Variants in SP140 observed in about 807,000 individuals in gnomAD.
SP140 encodes the protein SP140 nuclear body protein.
Under a neutral mutation model 125.0 loss-of-function variants are expected in SP140, and 81 were observed. That is an observed-to-expected ratio of 0.65 (90% CI 0.54 to 0.78). SP140 has a LOEUF of 0.78. Among genes scored for constraint, SP140 ranks in the 30% least tolerant of loss-of-function variants. SP140 has a pLI of 0.00. For missense variants in SP140, 858 were observed against 1,037.0 expected (o/e 0.83, Z 2.37); for synonymous variants, 312 against 354.0 (o/e 0.88, Z 1.33).
intron 14 of SP140, 100 bp downstream of exon 14, chr2:230,270,053 T>C: frequency 1.3e-6 from 1 of 762,690 alleles, no homozygotes; most frequent in Non-Finnish European, 2.3e-6. Flanking sequence ...AGAATTCTAT[T>C]CTCCGCATTT....
intron 15 of SP140, among the ~76,000 whole-genome samples, chr2:230,276,290 G>A (rs1457902984): frequency 6.6e-6 from 1 of 152,126 alleles, no homozygotes; most frequent in African/African-American, 2.4e-5. Context: ...AAGGCAGCAG[G>A]TGACTTTCCC....
At chr2:230,239,646 G>A (rs1290133240) in intron 3 of SP140, among the ~76,000 whole-genome samples, 6 of 152,026 alleles carry the variant, frequency 3.9e-5, no homozygotes, top group Admixed American at 2.0e-4. Context: ...ACAGGGTTTC[G>A]CCATGTTGGC....
chr2:230,275,340 G>A (rs958304863), intron 15 of SP140, among the ~76,000 whole-genome samples: 2 of 151,784 alleles, frequency 1.3e-5, no homozygotes, highest in Non-Finnish European at 1.5e-5. Flanking sequence ...TTTTCCAACA[G>A]CATGTGCTCA....
intron 21 of SP140, among the ~76,000 whole-genome samples, chr2:230,295,935 A>T (rs1464041619): frequency 6.6e-6 from 1 of 152,234 alleles, no homozygotes; most frequent in East Asian, 1.9e-4. Flanking sequence ...ATTACAGAAG[A>T]TTGACCTCAA....
intron 3 of SP140, chr2:230,220,095 A>G (rs557380655): frequency 8.1e-6 from 8 of 985,252 alleles, no homozygotes; most frequent in African/African-American, 7.0e-5. Flanking sequence ...GCCTCTCTCC[A>G]CCTCCTCATG....
At chr2:230,286,563 A>G (rs555568850) in intron 17 of SP140, among the ~76,000 whole-genome samples, 6 of 152,292 alleles carry the variant, frequency 3.9e-5, no homozygotes, top group South Asian at 4.1e-4. Context: ...TCTTTCTTCC[A>G]TGAGATGCTT....
chr2:230,224,076 T>C (rs139202122), upstream of SP140, among the ~76,000 whole-genome samples: 8 of 152,224 alleles, frequency 5.3e-5, no homozygotes, highest in Non-Finnish European at 1.0e-4. Context: ...TAGTGGGAAA[T>C]AGAACTGAAA....
the SP140 span, among the ~76,000 whole-genome samples, chr2:230,187,319 T>G: frequency 6.6e-6 from 1 of 152,186 alleles, no homozygotes; most frequent in African/African-American, 2.4e-5. Context: ...ATATGTCTAT[T>G]AATGTCATTT....
At chr2:230,286,876 C>T (rs1428730024) in intron 17 of SP140, among the ~76,000 whole-genome samples, 1 of 152,098 alleles carries the variant, frequency 6.6e-6, no homozygotes, top group East Asian at 1.9e-4. Flanking sequence ...CTAATATGCT[C>T]ATGATATGCT....
At chr2:230,239,637 C>T (rs1209411170) in intron 3 of SP140, among the ~76,000 whole-genome samples, 2 of 152,116 alleles carry the variant, frequency 1.3e-5, no homozygotes, top group African/African-American at 4.8e-5. Context: ...TTAGTAGAGA[C>T]AGGGTTTCGC....
chr2:230,291,511 A>G (rs1203158382), intron 19 of SP140, among the ~76,000 whole-genome samples: 1 of 152,196 alleles, frequency 6.6e-6, no homozygotes, highest in African/African-American at 2.4e-5. Flanking sequence ...TAGAAGTGGA[A>G]TCCTATAATA....
intron 15 of SP140, among the ~76,000 whole-genome samples, chr2:230,278,967 G>T (rs1047896094): frequency 2.0e-5 from 3 of 151,986 alleles, no homozygotes; most frequent in African/African-American, 7.2e-5. Flanking sequence ...AAAACTGTTG[G>T]AACTAACAAA....
chr2:230,221,600 G>T, upstream of SP140: 19 of 1,075,090 alleles, frequency 1.8e-5, no homozygotes, highest in Non-Finnish European at 2.6e-5. Context: ...TGAGGAGAGG[G>T]TGCATTGATG....
intron 16 of SP140, among the ~76,000 whole-genome samples, chr2:230,285,532 A>G (rs1035516280): frequency 1.3e-5 from 2 of 152,198 alleles, no homozygotes; most frequent in African/African-American, 4.8e-5. Context: ...ATTCTCATTT[A>G]AGTCTGTGTG....
intron 3 of SP140, chr2:230,214,875 C>T: frequency 7.9e-7 from 1 of 1,271,412 alleles, no homozygotes; most frequent in Admixed American, 1.7e-5. Flanking sequence ...GCATATTCCA[C>T]AGGGCTAGAA....
chr2:230,288,590 T>G (rs1251167833), intron 18 of SP140, among the ~76,000 whole-genome samples: 2 of 151,792 alleles, frequency 1.3e-5, no homozygotes, highest in Non-Finnish European at 2.9e-5. Context: ...TCATCTACAT[T>G]AGGTATTTCT....
chr2:230,208,249 G>A (rs1230528628), intron 1 of SP140, among the ~76,000 whole-genome samples: 2 of 152,184 alleles, frequency 1.3e-5, no homozygotes, highest in South Asian at 2.1e-4. Context: ...AAGGAGAAAC[G>A]AAGAAATAGA....
intron 3 of SP140, 51 bp from the exon 4 acceptor site, chr2:230,241,353 T>C (rs1345043267): frequency 8.8e-7 from 1 of 1,139,746 alleles, no homozygotes; most frequent in Admixed American, 1.7e-5. Flanking sequence ...CACTGAGGTC[T>C]CTCCTCTGGT....
rs887491983 is a variant in SP140, at chr2:230,237,147, A to ATT, written c.127_128dup (p.Arg44SerfsTer15). 2 of 1,613,580 alleles carry ATT rather than the reference A, an allele frequency of 1.2e-6. No individual in the cohort carries two copies. Among genetic ancestry groups the ATT allele is most frequent in the African/African-American group, 2.7e-5 (2 of 74,992 alleles). ...GCAGGAGCAGGTTTGCCCTGAGCCC[A>ATT]TTTTCAGGTTCTTCAGAGAAAACAA... On this transcript the variant is annotated frameshift_variant, in exon 2 of 27. Transcript: ENST00000392045. LOFTEE classifies it high-confidence loss of function. This position sits in a 1 kb window ranked among gnomAD's most constrained non-coding sequence, Gnocchi z 5.4.
Sources: allele counts gnomAD v4.1 joint callset (sites outside exome capture counted in the v4.1 genomes callset), GRCh38; gene constraint gnomAD v4.1.1; non-coding constraint Gnocchi (gnomAD v3.1); transcripts MANE v1.5; gene names NCBI Gene and HGNC (gene_info 2026-07-23, HGNC 2026-07-21).